TTI1: variants seen among roughly 807,000 people sequenced by gnomAD.
The protein encoded by TTI1 is TELO2 interacting protein 1, also known as TELO2-interacting protein 1 homolog.
In TTI1, 52 loss-of-function variants were observed where a neutral mutation model predicts 85.4. The observed-to-expected ratio is 0.61, with a 90% confidence interval of 0.49 to 0.77. TTI1 has a LOEUF of 0.77. TTI1 is among the 30% of genes least tolerant of loss of function. The pLI is 0.00. For synonymous variants in TTI1, 512 were observed against 503.9 expected, an observed-to-expected ratio of 1.02 and a Z score of -0.22; for missense variants, 1,173 against 1,296.0, an observed-to-expected ratio of 0.91 and a Z score of 1.46.
At chr20:38,011,456 A>G in intron 2 of TTI1, 59 bp downstream of exon 2, 1 of 1,561,448 alleles carries the variant, frequency 6.4e-7, no homozygotes, top group Non-Finnish European at 8.7e-7. Flanking sequence ...AGGCTAAGCA[A>G]ACTAGGAGAC....
At position 37,983,088 on chromosome 20, in the gene TTI1, T is replaced by G. The variant is rs1462384837; in HGVS notation, c.*368A>C. 2 of 163,582 alleles carry G rather than the reference T, an allele frequency of 1.2e-5. No homozygotes were observed. Among genetic ancestry groups the G allele is most frequent in the Admixed American group, 6.1e-5 (1 of 16,284 alleles). 10.1% of individuals were successfully genotyped at this position (163,582 alleles called of 1,614,324 possible). A position where few individuals can be genotyped will look rare whatever the true frequency, so the allele number is the denominator to read the frequency against. On this transcript the variant is annotated 3_prime_UTR_variant, in exon 8 of 8. Coordinates refer to ENST00000373447, the MANE Select transcript of TTI1 (RefSeq NM_001303457.2). Reference sequence around the variant, plus strand: ...AAAGATCAGGTTAGGTAAAACAAATTAGTTCCATCTCATTATTTGAAGACA... The same window carrying G: ...AAAGATCAGGTTAGGTAAAACAAATGAGTTCCATCTCATTATTTGAAGACA...
At position 37,996,383 on chromosome 20, in the gene TTI1, A is replaced by T. The variant is rs2073338649; in HGVS notation, c.3078T>A (p.Ala1026=). 1.9e-6 allele frequency: 3 copies of T among 1,614,132 alleles called. No individual in the cohort carries two copies. The Admixed American group carries it at 5.0e-5, about 27-fold the overall frequency. The change falls in exon 7 of 8, where the codon GCT becomes GCA. Residue 1026 remains alanine, a synonymous_variant. Coordinates refer to ENST00000373447, the MANE Select transcript of TTI1 (RefSeq NM_001303457.2). ...SVKQPVKLQE[A]ARSVFLHLMK... is the part of the protein sequence containing the mutation. ...TGATCAGGCAGACGTACCTCCTGGCAGCCTCTTGTAATTTCACGGGCTGTT... is the reference window on the plus strand; with the variant it reads ...TGATCAGGCAGACGTACCTCCTGGCTGCCTCTTGTAATTTCACGGGCTGTT...
intron 7 of TTI1, among the ~76,000 whole-genome samples, chr20:37,996,148 G>T (rs1234066871): frequency 6.6e-6 from 1 of 152,182 alleles, no homozygotes; most frequent in South Asian, 2.1e-4. Context: ...TCTGCTTCTT[G>T]ACCCTCTGGA....
intron 1 of TTI1, among the ~76,000 whole-genome samples, chr20:38,024,762 G>A (rs2073815027): frequency 6.6e-6 from 1 of 152,118 alleles, no homozygotes; most frequent in African/African-American, 2.4e-5. Flanking sequence ...ACTCCTGCAG[G>A]GATGGTGTGA....
intron 1 of TTI1, among the ~76,000 whole-genome samples, chr20:38,020,322 AAATATATATAT>A (rs1488874366): frequency 4.0e-5 from 3 of 75,910 alleles, no homozygotes; most frequent in Admixed American, 1.4e-4. Context: ...AAAAAAAAAA[AAATATATATAT>A]ATATATATAT....
Position 37,983,189 on chromosome 20 carries a change from T to C in TTI1, c.*267A>G, listed in dbSNP as rs915921265. 5 of 372,214 alleles carry C rather than the reference T, an allele frequency of 1.3e-5. No individual in the cohort carries two copies. In the Admixed American group the frequency reaches 2.2e-4, roughly 17 times the overall value. 23.1% of individuals were successfully genotyped at this position (372,214 alleles called of 1,614,324 possible). On this transcript the variant is annotated 3_prime_UTR_variant, in exon 8 of 8. Transcript: ENST00000373447. ...GTGGCCTGTGAGGGAGCTGGGGCTA[T>C]AGAGATGGTAGGCTAAGGGGTTAAA...
intron 2 of TTI1, among the ~76,000 whole-genome samples, chr20:38,009,471 CCTT>C (rs1398797292): frequency 2.0e-5 from 3 of 152,068 alleles, no homozygotes; most frequent in Admixed American, 6.6e-5. Context: ...GACCCATGCC[CCTT>C]CTTCCTTCTG....
At chr20:38,004,143 T>C (rs181791168) in intron 3 of TTI1, among the ~76,000 whole-genome samples, 5 of 152,326 alleles carry the variant, frequency 3.3e-5, no homozygotes, top group African/African-American at 9.6e-5. Flanking sequence ...AATGAGATAT[T>C]ACCAGTCATT....
rs761914744 is a variant in TTI1 at position 38,013,751 on chromosome 20, T to G, written c.66A>C (p.Thr22=). 6.2e-6 allele frequency: 10 copies of G among 1,614,052 alleles called. No individual in the cohort carries two copies. In the East Asian group the frequency reaches 2.0e-4, roughly 32 times the overall value. ...CCACATTCTCCACTGTCTGGGTCTTTGTGAGCTGAACACAGACTGGACGTA... is the reference window on the plus strand; with the variant it reads ...CCACATTCTCCACTGTCTGGGTCTTGGTGAGCTGAACACAGACTGGACGTA... ...GVLRPVCVQL[T]KTQTVENVEH... The change falls in exon 2 of 8, where the codon ACA becomes ACC. Residue 22 remains threonine (T), a synonymous_variant. Transcript: ENST00000373447.
At chr20:37,989,273 T>C (rs1377108339) in intron 7 of TTI1, among the ~76,000 whole-genome samples, 1 of 152,192 alleles carries the variant, frequency 6.6e-6, no homozygotes, top group Non-Finnish European at 1.5e-5. Flanking sequence ...AACGCCAACA[T>C]GCATACTCAC....
chr20:38,011,183 C>A (rs368521625), intron 2 of TTI1, among the ~76,000 whole-genome samples: 8 of 152,300 alleles, frequency 5.3e-5, no homozygotes, highest in African/African-American at 1.9e-4. Flanking sequence ...TGTCATAAAT[C>A]CTGATTTTAT....
In TTI1 at chr20:38,030,561, A is replaced by ACACACACC. The variant is rs1491234009; in HGVS notation, c.-42+2842_-42+2843insGGTGTGTG. Among the ~76,000 whole-genome samples, 8 of 151,556 alleles carry ACACACACC rather than the reference A, an allele frequency of 5.3e-5. No homozygotes were observed. The South Asian group carries it at 1.5e-3, about 28-fold the overall frequency. On this transcript the variant is annotated intron_variant, in intron 1 of 7. Transcript: ENST00000373447. ...CACACACACACACACACACACACAC[A>ACACACACC]CCATGATAAAGTGGGGTATATTTCA...
intron 6 of TTI1, 126 bp downstream of exon 6, chr20:37,996,623 C>T: frequency 7.1e-7 from 1 of 1,407,266 alleles, no homozygotes; most frequent in East Asian, 2.3e-5. Context: ...ACAAATGAGG[C>T]CAAAATAAGA....
intron 1 of TTI1, among the ~76,000 whole-genome samples, chr20:38,024,992 C>CA (rs1191070611): frequency 6.6e-6 from 1 of 152,182 alleles, no homozygotes; most frequent in African/African-American, 2.4e-5. Flanking sequence ...ACCCACCCAG[C>CA]AGTACACCTC....
At chr20:38,026,675 A>G (rs760363637) in intron 1 of TTI1, among the ~76,000 whole-genome samples, 8 of 152,232 alleles carry the variant, frequency 5.3e-5, no homozygotes, top group Non-Finnish European at 1.0e-4. Context: ...AAGAATGGCT[A>G]AAGAAAGTTC....
chr20:38,019,669 AAAGT>A (rs2073735048), intron 1 of TTI1, among the ~76,000 whole-genome samples: 1 of 152,258 alleles, frequency 6.6e-6, no homozygotes, highest in South Asian at 2.1e-4. Flanking sequence ...TTGAAAACAA[AAAGT>A]AAGATGGCAG....
At position 38,006,217 on chromosome 20, in the gene TTI1, G is replaced by A. The variant is rs200033530; in HGVS notation, c.2483C>T (p.Ser828Leu). 54 of 1,613,954 alleles carry A rather than the reference G, an allele frequency of 3.3e-5. No homozygotes were observed. The highest frequency in any genetic ancestry group is 5.5e-5 in the South Asian group (5 of 91,068). The change falls in exon 3 of 8, where the codon TCG becomes TTG. Residue 828 changes from serine to leucine, a missense_variant. Ser to Leu is a moderately radical substitution (Grantham distance 145). Transcript: ENST00000373447. ...KEKDVADGNV[S>L]DFDNEEEEQS... is the part of the protein sequence containing the mutation. ...GTTACCTTCTTCATTATCAAAATCC[G>A]AGACATTTCCATCTGCCACATCCTT...
intron 7 of TTI1, among the ~76,000 whole-genome samples, chr20:37,993,316 C>T (rs544674894): frequency 1.3e-5 from 2 of 151,782 alleles, no homozygotes; most frequent in African/African-American, 4.8e-5. Flanking sequence ...TTTACAACCT[C>T]GGTTACATCA....
At chr20:38,011,373 C>T (rs2073584157) in intron 2 of TTI1, 142 bp downstream of exon 2, 1 of 908,340 alleles carries the variant, frequency 1.1e-6, no homozygotes, top group African/African-American at 1.7e-5. Flanking sequence ...GAAACCCCCC[C>T]ATAACCTATG....
Sources: gnomAD v4.1 joint callset for allele counts (sites outside exome capture counted in the v4.1 genomes callset) on GRCh38, gnomAD v4.1.1 for gene constraint, MANE v1.5 for transcripts, NCBI Gene and HGNC (gene_info 2026-07-23, HGNC 2026-07-21) for gene names.